CSMD2: variants seen among roughly 807,000 people sequenced by gnomAD.
CSMD2 encodes CUB and Sushi multiple domains 2, also known as CUB and sushi domain-containing protein 2.
Under a neutral mutation model 398.5 loss-of-function variants are expected in CSMD2, and 130 were observed. The ratio of observed to expected loss-of-function variants is 0.33; its 90% confidence interval spans 0.28 to 0.38. CSMD2 has a LOEUF of 0.38. Among genes scored for constraint, CSMD2 ranks in the 10% least tolerant of loss-of-function variants. The pLI is 1.00. For synonymous variants in CSMD2, 1,828 were observed against 1,908.5 expected, an observed-to-expected ratio of 0.96 and a Z score of 1.10; for missense variants, 3,829 against 4,764.9, an observed-to-expected ratio of 0.80 and a Z score of 5.78.
chr1:33,583,205 T>A (rs1005804980), intron 47 of CSMD2, among the ~76,000 whole-genome samples: 2 of 152,354 alleles, frequency 1.3e-5, no homozygotes, highest in East Asian at 1.9e-4. Context: ...CTGCTATGAA[T>A]TTTTAGGGTC....
chr1:33,538,223 G>C, intron 60 of CSMD2, among the ~76,000 whole-genome samples: 1 of 151,998 alleles, frequency 6.6e-6, no homozygotes, highest in East Asian at 1.9e-4. Context: ...TTTCTTAGGA[G>C]AATTCTCTAG....
chr1:33,627,429 T>C (rs1642196756), intron 32 of CSMD2, among the ~76,000 whole-genome samples: 1 of 152,114 alleles, frequency 6.6e-6, no homozygotes, highest in African/African-American at 2.4e-5. Context: ...ATGGCCACTC[T>C]GCCTGCTGCC....
chr1:33,622,198 T>C lies in CSMD2; in HGVS notation c.5796A>G (p.Val1932=). ...LYLHFYSDIS[V]SAAGFHLEYK... ...ACTCCAAGTGGAAGCCAGCTGCAGATACGCTGATATCTGAGTAGAAATGAA... is the reference window on the plus strand; with the variant it reads ...ACTCCAAGTGGAAGCCAGCTGCAGACACGCTGATATCTGAGTAGAAATGAA... Residue 1932 remains valine (V), a synonymous_variant, in exon 37 of 71, where the codon GTA becomes GTG. Transcript: ENST00000373381. 6.2e-7 allele frequency: 1 copy of C among 1,614,082 alleles called. No homozygotes were observed. The highest frequency in any genetic ancestry group is 8.5e-7 in the Non-Finnish European group (1 of 1,179,948).
chr1:33,760,953 C>T (rs984219756), intron 13 of CSMD2, among the ~76,000 whole-genome samples: 1 of 152,122 alleles, frequency 6.6e-6, no homozygotes, highest in Admixed American at 6.5e-5. Flanking sequence ...GATCCTCAGT[C>T]CCTCCTCTCC....
chr1:34,045,048 C>G (rs1000420997), intron 2 of CSMD2, among the ~76,000 whole-genome samples: 1 of 59,330 alleles, frequency 1.7e-5, no homozygotes, highest in African/African-American at 3.3e-5. Flanking sequence ...TACACACACA[C>G]ACACACACAC....
At chr1:34,035,473 G>A (rs951481899) in intron 2 of CSMD2, among the ~76,000 whole-genome samples, 15 of 152,046 alleles carry the variant, frequency 9.9e-5, no homozygotes, top group Non-Finnish European at 2.1e-4. Context: ...TTGGCAAGGA[G>A]AATTCAGCAA....
intron 13 of CSMD2, among the ~76,000 whole-genome samples, chr1:33,749,884 C>T (rs760608884): frequency 6.6e-6 from 1 of 152,270 alleles, no homozygotes; most frequent in South Asian, 2.1e-4. Context: ...TATAAACAAA[C>T]TTGTAATAGC....
intron 3 of CSMD2, among the ~76,000 whole-genome samples, chr1:33,939,498 A>G (rs1644595991): frequency 6.6e-6 from 1 of 152,086 alleles, no homozygotes; most frequent in Non-Finnish European, 1.5e-5. Flanking sequence ...GTGTAGAACT[A>G]ACGTGTCATT....
At chr1:33,671,875 A>G (rs969134738) in intron 25 of CSMD2, among the ~76,000 whole-genome samples, 1 of 152,244 alleles carries the variant, frequency 6.6e-6, no homozygotes, top group Admixed American at 6.5e-5. Context: ...ACTCTGAAGG[A>G]AACTTGGACA....
At chr1:33,622,309 G>C (rs923468558) in intron 36 of CSMD2, 38 bp from the exon 37 acceptor site, 2 of 1,463,140 alleles carry the variant, frequency 1.4e-6, no homozygotes, top group Non-Finnish European at 1.9e-6. Flanking sequence ...TTTAAGTTTG[G>C]CTCCTCCAGG....
intron 3 of CSMD2, among the ~76,000 whole-genome samples, chr1:34,018,698 C>T (rs1274905030): frequency 1.3e-5 from 2 of 152,252 alleles, no homozygotes; most frequent in East Asian, 3.8e-4. Flanking sequence ...CTGGTGTGAA[C>T]TCCTTGATAC....
At chr1:34,133,089 G>A (rs1638312924) in intron 1 of CSMD2, among the ~76,000 whole-genome samples, 1 of 152,002 alleles carries the variant, frequency 6.6e-6, no homozygotes, top group South Asian at 2.1e-4. Context: ...TTCGTCCTAG[G>A]ACAGAATGAC....
In CSMD2 at chr1:33,625,097, C is replaced by T. The variant is rs1212366517; in HGVS notation, c.5454G>A (p.Val1818=). Residue 1818 remains valine (V), a synonymous_variant, in exon 34 of 71, where the codon GTG becomes GTA. Transcript: ENST00000373381. ...CATTCCATTGGGCCAAGGCCCCAGG[C>T]ACAGGGAGGCACTCGATCTCTGGCG... is the stretch of plus-strand genomic sequence containing the variant. ...QGSPEIECLP[V]PGALAQWNVS... The T allele has an allele frequency of 2.5e-6, 4 of 1,614,082 alleles. No homozygotes were observed. In the Admixed American group the frequency reaches 6.7e-5, roughly 27 times the overall value.
At chr1:33,927,680 T>TA (rs1356792296) in intron 4 of CSMD2, among the ~76,000 whole-genome samples, 2 of 152,236 alleles carry the variant, frequency 1.3e-5, no homozygotes, top group South Asian at 4.2e-4. Context: ...TCAGTCACTA[T>TA]AATCCTGTTC....
chr1:33,958,064 T>A (rs577405844), intron 3 of CSMD2, among the ~76,000 whole-genome samples: 1 of 152,098 alleles, frequency 6.6e-6, no homozygotes, highest in Non-Finnish European at 1.5e-5. Flanking sequence ...AGGGTTTCCA[T>A]GGCAACGCTT....
At chr1:33,605,976 G>A in intron 41 of CSMD2, 1 of 1,613,028 alleles carries the variant, frequency 6.2e-7, no homozygotes, top group South Asian at 1.1e-5. Context: ...AATCTGGTGG[G>A]AGTAAGTCAA....
At chr1:33,694,120 T>G (rs1011991378) in intron 24 of CSMD2, among the ~76,000 whole-genome samples, 6 of 152,108 alleles carry the variant, frequency 3.9e-5, no homozygotes, top group Non-Finnish European at 7.4e-5. Context: ...TGCTACAATA[T>G]AGATGAACGC....
intron 5 of CSMD2, chr1:33,863,742 A>C (rs1339521068): frequency 6.3e-6 from 1 of 158,072 alleles, no homozygotes; most frequent in Non-Finnish European, 1.4e-5. Flanking sequence ...AGGCATCCTG[A>C]AAATCGTATA....
chr1:33,780,346 G>A (rs762733806), intron 12 of CSMD2, among the ~76,000 whole-genome samples: 1 of 152,150 alleles, frequency 6.6e-6, no homozygotes, highest in Non-Finnish European at 1.5e-5. Flanking sequence ...CTGATTATGC[G>A]AAGGGCACCA....
Sources: allele counts gnomAD v4.1 joint callset (sites outside exome capture counted in the v4.1 genomes callset), GRCh38; gene constraint gnomAD v4.1.1; transcripts MANE v1.5; gene names NCBI Gene and HGNC (gene_info 2026-07-23, HGNC 2026-07-21).